Variants in RNF128 observed in about 807,000 individuals in gnomAD.
RNF128 encodes E3 ubiquitin-protein ligase RNF128.
Under a neutral mutation model 26.2 loss-of-function variants are expected in RNF128, and 13 were observed. The observed-to-expected ratio is 0.50, with a 90% CI of 0.32 to 0.79. The LOEUF is 0.79. Ranked by LOEUF, RNF128 falls within the 30% of genes least tolerant of loss-of-function variation. RNF128 has a pLI of 0.03. For synonymous variants in RNF128, 149 were observed against 142.5 expected, an observed-to-expected ratio of 1.05 and a Z score of -0.32; for missense variants, 315 against 349.7, an observed-to-expected ratio of 0.90 and a Z score of 0.79.
At chrX:106,737,888 G>T (rs1170900801) in intron 1 of RNF128, among the ~76,000 whole-genome samples, 1 of 112,031 alleles carries the variant, frequency 8.9e-6, no homozygotes, top group African/African-American at 3.2e-5. Flanking sequence ...TGGATGGTGT[G>T]AAATCACCAA....
At chrX:106,769,073 C>A (rs976093629) in intron 1 of RNF128, among the ~76,000 whole-genome samples, 10 of 111,894 alleles carry the variant, frequency 8.9e-5, no homozygotes, top group Admixed American at 3.8e-4. Flanking sequence ...GCACTGTGAT[C>A]TGAGACAGTT....
At chrX:106,721,771 A>C (rs1029170206), upstream of RNF128, among the ~76,000 whole-genome samples, 2 of 112,123 alleles carry the variant, frequency 1.8e-5, no homozygotes, top group African/African-American at 6.5e-5. Context: ...ATTATCAGCT[A>C]TTAATACTTA....
At chrX:106,765,412 C>T (rs955261408) in intron 1 of RNF128, among the ~76,000 whole-genome samples, 3 of 110,984 alleles carry the variant, frequency 2.7e-5, no homozygotes, top group African/African-American at 9.8e-5. Context: ...AGGTTTATAC[C>T]CTTAATTTGA....
intron 1 of RNF128, among the ~76,000 whole-genome samples, chrX:106,744,198 A>G (rs1392247917): frequency 9.0e-6 from 1 of 111,578 alleles, no homozygotes; most frequent in Non-Finnish European, 1.9e-5. Context: ...ATGTATACAT[A>G]TGTAACAAAC....
At chrX:106,765,818 TAAC>T (rs1930214838) in intron 1 of RNF128, among the ~76,000 whole-genome samples, 1 of 110,943 alleles carries the variant, frequency 9.0e-6, no homozygotes, top group Non-Finnish European at 1.9e-5. Context: ...CTGCACCCAT[TAAC>T]TAACTCGTCA....
At chrX:106,763,620 C>T (rs1486329312) in intron 1 of RNF128, among the ~76,000 whole-genome samples, 1 of 111,811 alleles carries the variant, frequency 8.9e-6, no homozygotes, top group South Asian at 3.7e-4. Flanking sequence ...CATTCTCCTG[C>T]CTCAGCCTCC....
chrX:106,719,051 T>C (rs958487441), intron 1 of RNF128, among the ~76,000 whole-genome samples: 13 of 112,461 alleles, frequency 1.2e-4, no homozygotes, highest in African/African-American at 4.2e-4. Flanking sequence ...CTTTAACTTC[T>C]AAAGGGTAAG....
rs757100105 is a variant in RNF128, at chrX:106,726,947, C to A, written c.34C>A (p.Arg12Ser). Residue 12 changes from arginine (R) to serine (S), a missense_variant, in exon 1 of 7, where the codon CGC (arginine) becomes AGC (serine). Arg to Ser is a moderately radical substitution (Grantham distance 110). Transcript: ENST00000255499. ...GPPPGAGVSC[R>S]GGCGFSRLLA... Reference sequence around the variant, plus strand: ...GCCGCCTGGGGCCGGGGTCTCCTGCCGCGGTGGCTGCGGCTTTTCCAGATT... The same window carrying A: ...GCCGCCTGGGGCCGGGGTCTCCTGCAGCGGTGGCTGCGGCTTTTCCAGATT... The A allele has an allele frequency of 8.2e-5, 97 of 1,183,102 alleles. No individual in the cohort carries two copies. Among genetic ancestry groups the A allele is most frequent in the Non-Finnish European group, 1.1e-4 (94 of 882,018 alleles).
intron 1 of RNF128, among the ~76,000 whole-genome samples, chrX:106,756,508 TG>T (rs1368703029): frequency 2.7e-5 from 3 of 110,108 alleles, no homozygotes; most frequent in African/African-American, 1.0e-4. Flanking sequence ...ATTTAATAAA[TG>T]GTGCTGGGAA....
At chrX:106,697,699 A>AT (rs1475661195) in intron 1 of RNF128, among the ~76,000 whole-genome samples, 7 of 111,301 alleles carry the variant, frequency 6.3e-5, no homozygotes, top group African/African-American at 2.0e-4. Context: ...AGTCCAGTCT[A>AT]TTTACAGCCT....
In RNF128 at chrX:106,718,917, G is replaced by A. The variant is rs1222255709; in HGVS notation, c.406+24509G>A. Reference sequence around the variant, plus strand: ...ATTGCCAGATACTTGTTTACTCCGAGTTATTGATCAAGTTTGAGTCCTGTG... The same window carrying A: ...ATTGCCAGATACTTGTTTACTCCGAATTATTGATCAAGTTTGAGTCCTGTG... On this transcript the variant is annotated intron_variant, in intron 1 of 6. Transcript: ENST00000324342. Among the ~76,000 whole-genome samples the A allele has an allele frequency of 1.8e-4, 20 of 111,612 alleles. No individual in the cohort carries two copies. The Admixed American group carries it at 1.9e-3, about 11-fold the overall frequency.
intron 1 of RNF128, among the ~76,000 whole-genome samples, chrX:106,744,016 CAT>C (rs1408984859): frequency 1.8e-5 from 2 of 109,359 alleles, no homozygotes; most frequent in African/African-American, 6.7e-5. Flanking sequence ...AAAAACCAAA[CAT>C]CGCATGTTCT....
chrX:106,753,548 G>T (rs759615596), intron 1 of RNF128, among the ~76,000 whole-genome samples: 2 of 110,013 alleles, frequency 1.8e-5, no homozygotes, highest in Non-Finnish European at 3.8e-5. Flanking sequence ...GGGAACAAAG[G>T]AAGAGATCAC....
intron 1 of RNF128, among the ~76,000 whole-genome samples, chrX:106,746,386 A>G (rs951838427): frequency 3.6e-5 from 4 of 111,392 alleles, no homozygotes; most frequent in African/African-American, 1.3e-4. Flanking sequence ...TTACATTTTA[A>G]CACGTTAATA....
Position 106,785,049 on chromosome X carries a change from G to GTTT in RNF128, c.733-7_733-5dup, listed in dbSNP as rs370041439. 4.6e-5 allele frequency: 44 copies of GTTT among 957,369 alleles called. No homozygotes were observed. Among genetic ancestry groups the GTTT allele is most frequent in the Admixed American group, 2.0e-4 (6 of 29,489 alleles). The allele number at this position is 957,369 out of a possible 1,213,427, so 78.9% of individuals were successfully genotyped here. On this transcript the variant is annotated splice_polypyrimidine_tract_variant and intron_variant, in intron 2 of 6. Transcript: ENST00000255499. ...AAAAATAGTTTTTCTAATACCTGCTGTTTTTTTTTTTACAGAGGCAATTAA... is the reference window on the plus strand; with the variant it reads ...AAAAATAGTTTTTCTAATACCTGCTGTTTTTTTTTTTTTTACAGAGGCAATTAA...
At chrX:106,759,131 A>T (rs1930076058) in intron 1 of RNF128, among the ~76,000 whole-genome samples, 1 of 112,310 alleles carries the variant, frequency 8.9e-6, no homozygotes, top group Non-Finnish European at 1.9e-5. Flanking sequence ...AAAGATCTGA[A>T]TAGACATTTC....
chrX:106,702,457 C>G (rs185384534), intron 1 of RNF128, among the ~76,000 whole-genome samples: 96 of 111,102 alleles, frequency 8.6e-4, no homozygotes, highest in African/African-American at 2.8e-3. Context: ...TAAATACACA[C>G]AGAACAATGC....
chrX:106,720,762 T>C (rs1213336280), intron 1 of RNF128, among the ~76,000 whole-genome samples: 1 of 111,830 alleles, frequency 8.9e-6, no homozygotes, highest in Non-Finnish European at 1.9e-5. Flanking sequence ...ATACTTCATT[T>C]TTCTGAGTCT....
intron 3 of RNF128, 22 bp downstream of exon 3, chrX:106,785,158 G>C: frequency 9.1e-7 from 1 of 1,101,736 alleles, no homozygotes; most frequent in Non-Finnish European, 1.2e-6. Context: ...ACTTTTAAAT[G>C]CTATTTATTT....
Sources: gnomAD v4.1 joint callset for allele counts (sites outside exome capture counted in the v4.1 genomes callset) on GRCh38, gnomAD v4.1.1 for gene constraint, MANE v1.5 for transcripts, NCBI Gene and HGNC (gene_info 2026-07-23, HGNC 2026-07-21) for gene names.